The following OSBPL2 variants were observed in gnomAD, a reference collection of about 807,000 sequenced individuals.
The protein encoded by OSBPL2 is oxysterol binding protein like 2, also known as oxysterol-binding protein-related protein 2.
A neutral mutation model predicts 58.4 loss-of-function variants in OSBPL2; 18 were observed. That is an observed-to-expected ratio of 0.31 (90% CI 0.21 to 0.46). OSBPL2 has a LOEUF of 0.46. Among genes scored for constraint, OSBPL2 ranks in the 20% least tolerant of loss-of-function variants. The probability of loss-of-function intolerance (pLI) is 1.00; values close to 1 mark genes in which losing one functional copy is unlikely to be tolerated. For synonymous variants in OSBPL2, 221 were observed against 234.1 expected, an observed-to-expected ratio of 0.94 and a Z score of 0.51; for missense variants, 461 against 616.5, an observed-to-expected ratio of 0.75 and a Z score of 2.67.
chr20:62,257,725 T>A (rs1180316477), intron 2 of OSBPL2, among the ~76,000 whole-genome samples: 1 of 151,914 alleles, frequency 6.6e-6, no homozygotes, highest in Non-Finnish European at 1.5e-5. Flanking sequence ...ATTTTTTTTT[T>A]TTTTTTTGAG....
At position 62,256,211 on chromosome 20, in the gene OSBPL2, T is replaced by G; in HGVS notation, c.27T>G (p.Asp9Glu). Residue 9 changes from aspartate to glutamate, a missense_variant, in exon 2 of 14, where the codon GAT becomes GAG. Physicochemically the swap from Asp to Glu is conservative, Grantham distance 45 (BLOSUM62 2). Coordinates refer to ENST00000313733, the MANE Select transcript of OSBPL2 (RefSeq NM_144498.4). ...TGAACGGAGAGGAAGAATTCTTTGA[T>G]GCCGTCACAGGTGAGTCAAAAGAGA... Reference protein sequence around the residue: MNGEEEFFDAVTGFDSDNS... With the variant: MNGEEEFFEAVTGFDSDNS... 6.2e-7 allele frequency: 1 copy of G among 1,613,882 alleles called. No homozygotes were observed.
intron 1 of OSBPL2, among the ~76,000 whole-genome samples, chr20:62,250,299 G>C (rs138112571): frequency 6.6e-6 from 1 of 152,218 alleles, no homozygotes; most frequent in Non-Finnish European, 1.5e-5. Flanking sequence ...AGGAGACACA[G>C]GGTGTGGTGC....
chr20:62,292,678 C>G (rs913838727), intron 13 of OSBPL2, among the ~76,000 whole-genome samples: 2 of 152,256 alleles, frequency 1.3e-5, no homozygotes, highest in South Asian at 4.1e-4. Context: ...CATCTTAATT[C>G]TGTAGGCCAC....
At position 62,256,108 on chromosome 20, in the gene OSBPL2, C is replaced by T. The variant is rs1348694838; in HGVS notation, c.-77C>T. The T allele has an allele frequency of 1.3e-6, 2 of 1,513,156 alleles. No individual in the cohort carries two copies. The highest frequency in any genetic ancestry group is 1.8e-6 in the Non-Finnish European group (2 of 1,100,100). The allele number at this position is 1,513,156 out of a possible 1,614,324, so 93.7% of individuals were successfully genotyped here. ...AAGAGAAAGTTTGTAAAATTCCTTA[C>T]ACTGTAGATGTGGATCAGATACGAT... On this transcript the variant is annotated 5_prime_UTR_variant, in exon 2 of 14. Coordinates refer to ENST00000313733, the MANE Select transcript of OSBPL2 (RefSeq NM_144498.4).
Position 62,279,307 on chromosome 20 carries a change from G to T in OSBPL2, c.642G>T (p.Glu214Asp), listed in dbSNP as rs1430975810. 1 of 1,614,242 alleles carries T rather than the reference G, an allele frequency of 6.2e-7. No homozygotes were observed. The highest frequency in any genetic ancestry group is 8.5e-7 in the Non-Finnish European group (1 of 1,180,054). ...LKFWGKSVEA[E>D]PRGTITLELL... The stretch of plus-strand genomic sequence containing the variant: ...TCTGGGGCAAAAGCGTGGAGGCGGA[G>T]CCCCGAGGCACCATCACCCTGGAGC... Residue 214 changes from glutamate (E) to aspartate (D), a missense_variant, in exon 7 of 14, where the codon GAG (glutamate) becomes GAT (aspartate). Glu to Asp is a conservative substitution (Grantham distance 45). Transcript: ENST00000313733.
chr20:62,264,390 CTG>C (rs753940771), intron 4 of OSBPL2, among the ~76,000 whole-genome samples: 1 of 152,204 alleles, frequency 6.6e-6, no homozygotes, highest in Non-Finnish European at 1.5e-5. Flanking sequence ...TCTTTCCTGA[CTG>C]TGAGAACCCA....
At chr20:62,255,998 A>G (rs1242930796) in intron 1 of OSBPL2, 59 bp from the exon 2 acceptor site, 1 of 551,384 alleles carries the variant, frequency 1.8e-6, no homozygotes, top group East Asian at 3.3e-5. Flanking sequence ...TATTTTTAAA[A>G]TGTTTTTAAA....
chr20:62,280,949 C>T (rs554764288), intron 7 of OSBPL2, 109 bp from the exon 8 acceptor site: 20 of 772,292 alleles, frequency 2.6e-5, no homozygotes, highest in South Asian at 8.8e-5. Context: ...GCTGCTCTCC[C>T]GCGGGTGCCG....
rs759094013 is a variant in OSBPL2, at chr20:62,289,227, C to T, written c.1146C>T (p.Phe382=). ...CACAGATGTATAATTTCACCAGTTTCACTGTGAGCCTCAACGAGCTGGAGA... is the reference window on the plus strand; with the variant it reads ...CACAGATGTATAATTTCACCAGTTTTACTGTGAGCCTCAACGAGCTGGAGA... ...NSAQMYNFTS[F]TVSLNELETG... Residue 382 remains phenylalanine, a synonymous_variant, in exon 12 of 14, where the codon TTC becomes TTT. Coordinates refer to ENST00000313733, the MANE Select transcript of OSBPL2 (RefSeq NM_144498.4). The T allele has an allele frequency of 2.5e-6, 4 of 1,613,804 alleles. No homozygotes were observed. The highest frequency in any genetic ancestry group is 1.1e-5 in the South Asian group (1 of 90,962).
rs79905319 is a variant in OSBPL2 at position 62,243,863 on chromosome 20, A to T, written c.-129+5266A>T. ...TTTTAAATTTTTTAATTAAAAAAAA[A>T]TTTTTTTTGCAGAGGGTAGGGGGGT... is the stretch of plus-strand genomic sequence containing the variant. On this transcript the variant is annotated intron_variant, in intron 1 of 13. Transcript: ENST00000313733. Among the ~76,000 whole-genome samples the T allele has an allele frequency of 1.5e-3, 229 of 151,468 alleles. 1 individual carries two copies. The highest frequency in any genetic ancestry group is 0.01 in the Middle Eastern group (3 of 294).
At chr20:62,270,052 G>A (rs115832588) in intron 4 of OSBPL2, among the ~76,000 whole-genome samples, 4,494 of 152,308 alleles carry the variant, frequency 0.03, 204 homozygotes, top group African/African-American at 0.1. Context: ...CTCCCAGCAC[G>A]GACGCTGAGT....
chr20:62,266,415 C>T (rs1981660347), intron 4 of OSBPL2, among the ~76,000 whole-genome samples: 1 of 152,238 alleles, frequency 6.6e-6, no homozygotes, highest in Admixed American at 6.5e-5. Context: ...GCAACGTGGA[C>T]AGTCCCAACA....
rs746668317 is a variant in OSBPL2, at chr20:62,286,645, C to T, written c.1059C>T (p.Thr353=). ...VADDVPVAQE[T]VQVIPGSKLL... The stretch of plus-strand genomic sequence containing the variant: ...ACGACGTGCCTGTGGCCCAGGAGAC[C>T]GTGCAGGTCATTCCTGGCAGCAAGC... Residue 353 remains threonine, a synonymous_variant, in exon 11 of 14, where the codon ACC becomes ACT. Coordinates refer to ENST00000313733, the MANE Select transcript of OSBPL2 (RefSeq NM_144498.4). 16 of 1,613,634 alleles carry T rather than the reference C, an allele frequency of 9.9e-6. No individual in the cohort carries two copies. The highest frequency in any genetic ancestry group is 2.2e-5 in the East Asian group (1 of 44,896).
At position 62,265,821 on chromosome 20, in the gene OSBPL2, T is replaced by C. The variant is rs553287859; in HGVS notation, c.258+2130T>C. 2.6e-5 allele frequency among the ~76,000 whole-genome samples: 4 copies of C among 152,312 alleles called. No individual in the cohort carries two copies. The East Asian group carries it at 7.7e-4, about 29-fold the overall frequency. ...TTTGTGAACTTGACAAACCACCTAATTTTGACTCTCTTAAATTCTGAGACA... is the reference window on the plus strand; with the variant it reads ...TTTGTGAACTTGACAAACCACCTAACTTTGACTCTCTTAAATTCTGAGACA... On this transcript the variant is annotated intron_variant, in intron 4 of 13. Coordinates refer to ENST00000313733, the MANE Select transcript of OSBPL2 (RefSeq NM_144498.4).
intron 6 of OSBPL2, among the ~76,000 whole-genome samples, chr20:62,275,154 G>A (rs527878775): frequency 1.3e-5 from 2 of 152,268 alleles, no homozygotes; most frequent in East Asian, 1.9e-4. Flanking sequence ...TACAGTGACC[G>A]TGCCACTGAA....
chr20:62,289,741 T>G (rs1983367893), intron 12 of OSBPL2, among the ~76,000 whole-genome samples: 1 of 151,792 alleles, frequency 6.6e-6, no homozygotes, highest in African/African-American at 2.4e-5. Flanking sequence ...CCATCTCTAC[T>G]AAAAATACAA....
At chr20:62,284,191 G>A (rs1440156575) in intron 10 of OSBPL2, 22 bp downstream of exon 10, 2 of 1,613,944 alleles carry the variant, frequency 1.2e-6, no homozygotes, top group Non-Finnish European at 1.7e-6. Context: ...GGCGTCCCCG[G>A]GCAGAGCTGA....
chr20:62,272,230 T>C lies in OSBPL2; in HGVS notation c.364T>C (p.Cys122Arg), dbSNP rs1388134336. The C allele has an allele frequency of 6.2e-7, 1 of 1,613,630 alleles. No homozygotes were observed. The highest frequency in any genetic ancestry group is 2.2e-5 in the East Asian group (1 of 44,848). The change falls in exon 5 of 14, where the codon TGC (cysteine) becomes CGC (arginine). Residue 122 changes from cysteine (C) to arginine (R), a missense_variant. Physicochemically the swap from Cys to Arg is radical, Grantham distance 180 (BLOSUM62 -3). Around this residue, in one of 5 missense-constraint regions of OSBPL2, gnomAD observed 20 missense variants for 17.1 expected, o/e 1.17. Transcript: ENST00000313733. ...EHVYLIHRAS[C>R]QPQPLERMQS... is the part of the protein sequence containing the mutation. ...CGTGTACCTCATCCACAGGGCCTCCTGCCAGCCCCAGCCCCTGGAGAGGAT... is the reference window on the plus strand; with the variant it reads ...CGTGTACCTCATCCACAGGGCCTCCCGCCAGCCCCAGCCCCTGGAGAGGAT...
At chr20:62,265,658 A>G (rs981348204) in intron 4 of OSBPL2, among the ~76,000 whole-genome samples, 2 of 152,188 alleles carry the variant, frequency 1.3e-5, no homozygotes, top group African/African-American at 4.8e-5. Context: ...ATTTCTGTAT[A>G]TATCTGTATG....
Sources: allele counts gnomAD v4.1 joint callset (sites outside exome capture counted in the v4.1 genomes callset), GRCh38; gene constraint gnomAD v4.1.1; regional missense constraint gnomAD v4.1.1; transcripts MANE v1.5; gene names NCBI Gene and HGNC (gene_info 2026-07-23, HGNC 2026-07-21).